ALK: variants seen among roughly 807,000 people sequenced by gnomAD.
ALK encodes the protein ALK receptor tyrosine kinase, also known as ALK tyrosine kinase receptor.
Under a neutral mutation model 163.1 loss-of-function variants are expected in ALK, and 74 were observed. The observed-to-expected ratio is 0.45, with a 90% CI of 0.38 to 0.55. The LOEUF is 0.55. ALK is among the 20% of genes least tolerant of loss of function. ALK has a pLI of 0.00. For missense variants in ALK, 2,063 were observed against 2,105.3 expected (o/e 0.98, Z 0.39); for synonymous variants, 960 against 843.2 (o/e 1.14, Z -2.40).
At chr2:29,538,451 T>A (rs1194822076) in intron 3 of ALK, among the ~76,000 whole-genome samples, 2 of 152,224 alleles carry the variant, frequency 1.3e-5, no homozygotes, top group Non-Finnish European at 2.9e-5. Flanking sequence ...CTATGTGACA[T>A]GCTGGCTCCT....
intron 11 of ALK, among the ~76,000 whole-genome samples, chr2:29,260,998 C>G (rs1430654787): frequency 6.6e-6 from 1 of 152,174 alleles, no homozygotes; most frequent in Non-Finnish European, 1.5e-5. Context: ...ACTTTCTTCT[C>G]CAAGTGGGCC....
intron 4 of ALK, among the ~76,000 whole-genome samples, chr2:29,461,083 T>C (rs1041480988): frequency 2.0e-5 from 3 of 152,198 alleles, no homozygotes; most frequent in African/African-American, 7.2e-5. Context: ...CAAAATATTC[T>C]CTTCAGCCAA....
intron 1 of ALK, among the ~76,000 whole-genome samples, chr2:29,906,272 G>C (rs1053519334): frequency 6.6e-6 from 1 of 151,952 alleles, no homozygotes; most frequent in African/African-American, 2.4e-5. Context: ...TTGTTCATTT[G>C]CACATTTAAT....
chr2:29,325,848 A>G (rs927569305), intron 6 of ALK, among the ~76,000 whole-genome samples: 1 of 152,240 alleles, frequency 6.6e-6, no homozygotes, highest in African/African-American at 2.4e-5. Context: ...CCTGCCTCAT[A>G]GAGTAAAGGC....
intron 4 of ALK, among the ~76,000 whole-genome samples, chr2:29,502,183 A>G (rs1672205937): frequency 6.6e-6 from 1 of 152,190 alleles, no homozygotes; most frequent in South Asian, 2.1e-4. Flanking sequence ...TGCGAAGCAT[A>G]TAGTCCATGC....
At chr2:29,217,731 G>T (rs1280917845) in intron 23 of ALK, among the ~76,000 whole-genome samples, 2 of 152,158 alleles carry the variant, frequency 1.3e-5, no homozygotes, top group African/African-American at 4.8e-5. Context: ...CCTCAAGCCT[G>T]GTTCCTGCAC....
intron 2 of ALK, among the ~76,000 whole-genome samples, chr2:29,710,281 T>C (rs1454886624): frequency 6.6e-6 from 1 of 152,158 alleles, no homozygotes; most frequent in Admixed American, 6.5e-5. Context: ...TGAACCTCTT[T>C]CCTTTATAAA....
chr2:29,622,388 G>A (rs1366031617), intron 3 of ALK, among the ~76,000 whole-genome samples: 3 of 152,144 alleles, frequency 2.0e-5, no homozygotes, highest in African/African-American at 7.2e-5. Flanking sequence ...GCAGCGGCAA[G>A]AGAAAATAAG....
At chr2:29,215,017 T>A (rs79455636) in intron 23 of ALK, among the ~76,000 whole-genome samples, 4,216 of 152,274 alleles carry the variant, frequency 0.028, 176 homozygotes, top group African/African-American at 0.09. Context: ...TGGAGGAGTA[T>A]GATTCACATA....
intron 3 of ALK, among the ~76,000 whole-genome samples, chr2:29,540,592 TAAAA>T (rs76226915): frequency 1.2e-3 from 173 of 143,056 alleles, no homozygotes; most frequent in East Asian, 4.8e-3. Context: ...TTTTTTTTTT[TAAAA>T]AAAAAAAACC....
chr2:29,373,037 G>A (rs1376129595), intron 5 of ALK, among the ~76,000 whole-genome samples: 1 of 152,090 alleles, frequency 6.6e-6, no homozygotes, highest in Non-Finnish European at 1.5e-5. Flanking sequence ...GCGACCTAAA[G>A]AGAAAACATC....
intron 4 of ALK, among the ~76,000 whole-genome samples, chr2:29,517,766 G>A (rs998605205): frequency 5.9e-5 from 9 of 152,138 alleles, no homozygotes; most frequent in East Asian, 3.9e-4. Flanking sequence ...AAACTACAGC[G>A]TTGGCTGGTG....
intron 11 of ALK, among the ~76,000 whole-genome samples, chr2:29,257,906 T>G (rs996465367): frequency 5.3e-5 from 8 of 152,230 alleles, no homozygotes; most frequent in Admixed American, 5.2e-4. Context: ...TAGCATGATC[T>G]TGGCTCACTG....
chr2:29,381,765 G>A (rs895441537), intron 5 of ALK, among the ~76,000 whole-genome samples: 16 of 152,052 alleles, frequency 1.1e-4, no homozygotes, highest in Admixed American at 6.6e-4. Flanking sequence ...ATAGACATTT[G>A]CCTACATCGA....
intron 1 of ALK, among the ~76,000 whole-genome samples, chr2:29,909,514 GAGAGAA>G (rs1466540175): frequency 8.9e-5 from 13 of 145,546 alleles, no homozygotes; most frequent in African/African-American, 3.6e-4. Context: ...GAGAGAGAGA[GAGAGAA>G]TGCTCCACAA....
chr2:29,220,684 G>A (rs1186856759), intron 23 of ALK, 22 bp downstream of exon 23: 9 of 1,613,210 alleles, frequency 5.6e-6, no homozygotes, highest in Non-Finnish European at 7.6e-6. Flanking sequence ...AACAACTGCA[G>A]CAAAGACTGG....
intron 1 of ALK, among the ~76,000 whole-genome samples, chr2:29,721,337 A>T (rs1159716786): frequency 6.6e-6 from 1 of 152,138 alleles, no homozygotes. Context: ...GAGCAGGTAG[A>T]TGTGGTAGTG....
intron 1 of ALK, among the ~76,000 whole-genome samples, chr2:29,744,341 G>T (rs149002533): frequency 6.6e-6 from 1 of 152,202 alleles, no homozygotes; most frequent in African/African-American, 2.4e-5. Context: ...GAAAGACAAA[G>T]AAGTGTGCTA....
chr2:29,437,323 T>C (rs1325387581), intron 4 of ALK, among the ~76,000 whole-genome samples: 1 of 152,078 alleles, frequency 6.6e-6, no homozygotes, highest in African/African-American at 2.4e-5. Context: ...GGTTTGAACA[T>C]ACGTAATGTG....
Sources: allele counts gnomAD v4.1 joint callset (sites outside exome capture counted in the v4.1 genomes callset), GRCh38; gene constraint gnomAD v4.1.1; transcripts MANE v1.5; gene names NCBI Gene and HGNC (gene_info 2026-07-23, HGNC 2026-07-21).